Variants in NPNT observed in about 807,000 individuals in gnomAD.
NPNT encodes the protein preosteoblast EGF-like repeat protein with MAM domain.
NPNT carries 45 observed loss-of-function variants against 68.6 expected under a neutral mutation model. The observed-to-expected ratio is 0.66, with a 90% CI of 0.52 to 0.84. The LOEUF (loss-of-function observed/expected upper bound fraction) is 0.84, where lower values mean the gene tolerates loss of function less well. Ranked by LOEUF, NPNT falls within the 40% of genes least tolerant of loss-of-function variation. The probability of loss-of-function intolerance (pLI) is 0.00; values close to 1 mark genes in which losing one functional copy is unlikely to be tolerated. For synonymous variants in NPNT, 233 were observed against 253.3 expected (o/e 0.92, Z 0.76); for missense variants, 672 against 714.8 (o/e 0.94, Z 0.68).
intron 10 of NPNT, 139 bp downstream of exon 10, chr4:105,959,265 G>T: frequency 1.7e-6 from 1 of 582,688 alleles, no homozygotes. Context: ...ACCATGCCTA[G>T]CATTTATATT....
chr4:105,898,912 T>C (rs913021169), intron 2 of NPNT, among the ~76,000 whole-genome samples: 15 of 152,028 alleles, frequency 9.9e-5, no homozygotes. Context: ...GCACTTCTGG[T>C]AAGATGATGG....
intron 8 of NPNT, among the ~76,000 whole-genome samples, chr4:105,947,744 T>G (rs1487750173): frequency 6.6e-6 from 1 of 152,192 alleles, no homozygotes; most frequent in East Asian, 1.9e-4. Context: ...TTAGCAATCT[T>G]GTTGACTGGT....
intron 8 of NPNT, among the ~76,000 whole-genome samples, chr4:105,948,039 A>G (rs1343740242): frequency 6.6e-6 from 1 of 152,138 alleles, no homozygotes; most frequent in Non-Finnish European, 1.5e-5. Context: ...GTAATCCTTC[A>G]TATGCTTAAC....
Position 105,897,925 on chromosome 4 carries a change from G to T in NPNT, c.96G>T (p.Ser32=), listed in dbSNP as rs773289544. 6.2e-7 allele frequency: 1 copy of T among 1,613,426 alleles called. No homozygotes were observed. Among genetic ancestry groups the T allele is most frequent in the Admixed American group, 1.7e-5 (1 of 60,000 alleles). ...DGRWPRQIVS[S]IGLCRYGGRI... is the part of the protein sequence containing the mutation. ...GGTGGCCCAGGCAAATAGTGTCATC[G>T]ATTGGCCTATGTCGTTATGGTGGGA... Residue 32 remains serine (S), a synonymous_variant, in exon 2 of 12, where the codon TCG becomes TCT. Coordinates refer to ENST00000379987, the MANE Select transcript of NPNT (RefSeq NM_001033047.3).
intron 2 of NPNT, among the ~76,000 whole-genome samples, chr4:105,899,025 G>A (rs1726188003): frequency 6.6e-6 from 1 of 152,154 alleles, no homozygotes; most frequent in African/African-American, 2.4e-5. Context: ...GCTGGCAATG[G>A]AGAAGCCTGC....
chr4:105,922,030 G>GC (rs1318074073), intron 2 of NPNT, among the ~76,000 whole-genome samples: 1 of 152,096 alleles, frequency 6.6e-6, no homozygotes, highest in Non-Finnish European at 1.5e-5. Flanking sequence ...TTTTAGTGGT[G>GC]CCATGTCTGC....
intron 2 of NPNT, among the ~76,000 whole-genome samples, chr4:105,912,894 G>A (rs1405652372): frequency 6.6e-6 from 1 of 152,208 alleles, no homozygotes; most frequent in South Asian, 2.1e-4. Context: ...TTGAAACAGA[G>A]CCTTGCTCTG....
intron 2 of NPNT, among the ~76,000 whole-genome samples, chr4:105,914,492 T>G (rs184422419): frequency 1.5e-3 from 210 of 136,202 alleles, no homozygotes; most frequent in Non-Finnish European, 8.8e-4. Context: ...GAGAGAGAGA[T>G]AATGGAGAGA....
chr4:105,918,079 C>G (rs147751023), intron 2 of NPNT, among the ~76,000 whole-genome samples: 10 of 152,242 alleles, frequency 6.6e-5, no homozygotes, highest in African/African-American at 9.6e-5. Flanking sequence ...TGACCAATCT[C>G]TTATTGATGG....
At chr4:105,967,032 G>A (rs1258435766) in intron 10 of NPNT, among the ~76,000 whole-genome samples, 156 bp from the exon 11 acceptor site, 1 of 150,470 alleles carries the variant, frequency 6.6e-6, no homozygotes, top group African/African-American at 2.4e-5. Flanking sequence ...TAGAACTTAA[G>A]ACAGGCATAC....
At chr4:105,918,924 G>T (rs9992491) in intron 2 of NPNT, among the ~76,000 whole-genome samples, 18,426 of 152,004 alleles carry the variant, frequency 0.12, 2,167 homozygotes, top group African/African-American at 0.31. Context: ...GAGTTTACTG[G>T]TTTTTAAATA....
At chr4:105,927,496 C>T (rs1247444033) in intron 3 of NPNT, 68 bp downstream of exon 3, 7 of 924,748 alleles carry the variant, frequency 7.6e-6, no homozygotes, top group Non-Finnish European at 1.2e-5. Context: ...TAAAAATATT[C>T]TTATCTCAAA....
chr4:105,895,854 A>C (rs1431181119), intron 1 of NPNT, 131 bp downstream of exon 1: 1 of 787,126 alleles, frequency 1.3e-6, no homozygotes, highest in Admixed American at 2.3e-5. Flanking sequence ...GGGCCACCGC[A>C]CAGCGTGGCG....
At chr4:105,896,689 T>G (rs763156381) in intron 1 of NPNT, among the ~76,000 whole-genome samples, 2 of 152,110 alleles carry the variant, frequency 1.3e-5, no homozygotes, top group Non-Finnish European at 2.9e-5. Flanking sequence ...ACCTTTAATC[T>G]TGGAACGAAT....
chr4:105,943,208 T>C (rs1393307673), intron 8 of NPNT, among the ~76,000 whole-genome samples: 2 of 152,200 alleles, frequency 1.3e-5, no homozygotes, highest in Non-Finnish European at 2.9e-5. Flanking sequence ...AAGAGATCTG[T>C]GTAGGACACT....
intron 2 of NPNT, among the ~76,000 whole-genome samples, chr4:105,924,871 AATT>A (rs1185970242): frequency 6.6e-6 from 1 of 152,112 alleles, no homozygotes; most frequent in African/African-American, 2.4e-5. Flanking sequence ...TCCAAATTCC[AATT>A]ATTTTAAGGG....
chr4:105,922,066 A>C (rs1174684084), intron 2 of NPNT, among the ~76,000 whole-genome samples: 6 of 152,256 alleles, frequency 3.9e-5, no homozygotes, highest in African/African-American at 1.4e-4. Context: ...AGATTGAAAA[A>C]ATTACAAATG....
chr4:105,940,798 C>G (rs1729886161), intron 7 of NPNT, among the ~76,000 whole-genome samples, 162 bp downstream of exon 7: 1 of 152,164 alleles, frequency 6.6e-6, no homozygotes, highest in Non-Finnish European at 1.5e-5. Context: ...ATCACTTGCT[C>G]AGGTACTTGT....
Position 105,942,338 on chromosome 4 carries a change from T to A in NPNT, c.795T>A (p.Gly265=). The A allele has an allele frequency of 6.2e-7, 1 of 1,609,366 alleles. No homozygotes were observed. Among genetic ancestry groups the A allele is most frequent in the Non-Finnish European group, 8.5e-7 (1 of 1,176,650 alleles). ...YIPKVMIEPS[G]PIHVPKGNGT... is the part of the protein sequence containing the mutation. ...CAAAAGTTATGATTGAACCTTCAGG[T>A]CCAATTCATGTACCAAAGGGAAATG... Residue 265 remains glycine, a synonymous_variant, in exon 8 of 12, where the codon GGT becomes GGA. Transcript: ENST00000379987.
Sources: allele counts gnomAD v4.1 joint callset (sites outside exome capture counted in the v4.1 genomes callset), GRCh38; gene constraint gnomAD v4.1.1; transcripts MANE v1.5; gene names NCBI Gene and HGNC (gene_info 2026-07-23, HGNC 2026-07-21).